Variants in XIRP2 observed in about 807,000 individuals in gnomAD.
The protein encoded by XIRP2 is xin actin binding repeat containing 2.
XIRP2 carries 236 observed loss-of-function variants against 277.0 expected under a neutral mutation model. The ratio of observed to expected loss-of-function variants is 0.85; its 90% CI spans 0.77 to 0.95. The LOEUF is 0.95. Ranked by LOEUF, XIRP2 falls within the 40% of genes least tolerant of loss-of-function variation. The pLI is 0.00. For synonymous variants in XIRP2, 1,490 were observed against 1,416.5 expected (o/e 1.05, Z -1.17); for missense variants, 4,640 against 4,157.5 (o/e 1.12, Z -3.19).
At chr2:166,933,248 A>G (rs1425114809) in intron 2 of XIRP2, among the ~76,000 whole-genome samples, 1 of 151,182 alleles carries the variant, frequency 6.6e-6, no homozygotes, top group Non-Finnish European at 1.5e-5. Flanking sequence ...TCCCGGGTTC[A>G]CACCATTCTT....
chr2:167,174,431 G>A (rs1159997187), intron 3 of XIRP2, among the ~76,000 whole-genome samples: 1 of 152,128 alleles, frequency 6.6e-6, no homozygotes, highest in Admixed American at 6.5e-5. Context: ...TCTGATGGTA[G>A]CTTGTATTGC....
chr2:167,175,779 G>A (rs991668629), intron 3 of XIRP2, among the ~76,000 whole-genome samples: 1 of 152,154 alleles, frequency 6.6e-6, no homozygotes, highest in Non-Finnish European at 1.5e-5. Flanking sequence ...GGGAGTTGGG[G>A]ATTTTATCTA....
chr2:167,137,421 G>T (rs1426064915), intron 3 of XIRP2, among the ~76,000 whole-genome samples: 4 of 152,126 alleles, frequency 2.6e-5, no homozygotes, highest in African/African-American at 7.2e-5. Flanking sequence ...ATTAGCAGAG[G>T]CCAAGGAAAA....
chr2:167,206,464 T>G (rs1693854572), intron 3 of XIRP2, among the ~76,000 whole-genome samples: 1 of 152,212 alleles, frequency 6.6e-6, no homozygotes, highest in African/African-American at 2.4e-5. Flanking sequence ...AATGCTTGAA[T>G]ATCTTTAGTT....
At chr2:167,089,404 G>T (rs1430516196) in intron 2 of XIRP2, among the ~76,000 whole-genome samples, 2 of 152,042 alleles carry the variant, frequency 1.3e-5, no homozygotes, top group Non-Finnish European at 2.9e-5. Flanking sequence ...GCTCACAACT[G>T]ATACAATCAT....
intron 2 of XIRP2, among the ~76,000 whole-genome samples, chr2:167,034,512 A>C (rs1034227643): frequency 6.6e-6 from 1 of 152,032 alleles, no homozygotes; most frequent in Admixed American, 6.6e-5. Flanking sequence ...AAAAGAAAAA[A>C]AAAAAGACCC....
At chr2:166,948,822 G>A (rs942571193) in intron 2 of XIRP2, among the ~76,000 whole-genome samples, 5 of 152,030 alleles carry the variant, frequency 3.3e-5, no homozygotes, top group Admixed American at 3.3e-4. Flanking sequence ...AAAGACAAGA[G>A]AGCTGATTCC....
chr2:166,935,665 T>C (rs2105373814), intron 2 of XIRP2, among the ~76,000 whole-genome samples: 1 of 152,306 alleles, frequency 6.6e-6, no homozygotes, highest in African/African-American at 2.4e-5. Flanking sequence ...ATACAGTGTT[T>C]GGTTTTTTGT....
intron 2 of XIRP2, among the ~76,000 whole-genome samples, chr2:167,103,754 G>A (rs746195892): frequency 6.7e-4 from 102 of 152,120 alleles, no homozygotes; most frequent in African/African-American, 2.3e-3. Context: ...GGAATCAAAC[G>A]CTAGCTGGTA....
intron 2 of XIRP2, among the ~76,000 whole-genome samples, chr2:167,071,184 A>G (rs552745330): frequency 6.6e-6 from 1 of 152,192 alleles, no homozygotes; most frequent in Non-Finnish European, 1.5e-5. Context: ...GTCAGAGTCA[A>G]ACTGAAATAA....
chr2:167,218,754 G>T (rs533631026), intron 5 of XIRP2, among the ~76,000 whole-genome samples: 10 of 152,024 alleles, frequency 6.6e-5, no homozygotes, highest in Non-Finnish European at 1.3e-4. Context: ...CTCAAACATT[G>T]AATAGTAGAG....
chr2:167,217,306 T>C (rs1022214273), intron 4 of XIRP2, among the ~76,000 whole-genome samples: 7 of 150,324 alleles, frequency 4.7e-5, no homozygotes, highest in Non-Finnish European at 1.0e-4. Flanking sequence ...GAAAAAAAAA[T>C]TAGTTTTCTC....
chr2:167,168,827 G>T (rs1011007221), intron 3 of XIRP2, among the ~76,000 whole-genome samples: 5 of 152,026 alleles, frequency 3.3e-5, no homozygotes, highest in African/African-American at 1.2e-4. Context: ...TGTTAGCCAG[G>T]ATGATCTCGA....
At chr2:167,239,778 A>G in intron 5 of XIRP2, 77 bp from the exon 6 acceptor site, 3 of 1,216,648 alleles carry the variant, frequency 2.5e-6, no homozygotes, top group Non-Finnish European at 3.5e-6. Flanking sequence ...AGAAATTGTC[A>G]CTGAAATTGC....
intron 2 of XIRP2, among the ~76,000 whole-genome samples, chr2:166,996,066 A>G (rs1357451036): frequency 6.6e-6 from 1 of 152,196 alleles, no homozygotes; most frequent in Non-Finnish European, 1.5e-5. Context: ...ATAAACGACT[A>G]CTTAATGTCT....
Position 167,245,161 on chromosome 2 carries a change from G to A in XIRP2, c.3769G>A (p.Gly1257Ser), listed in dbSNP as rs1324094719. 6.2e-7 allele frequency: 1 copy of A among 1,613,518 alleles called. No individual in the cohort carries two copies. The highest frequency in any genetic ancestry group is 8.5e-7 in the Non-Finnish European group (1 of 1,179,702). The change falls in exon 9 of 11, where the codon GGT (glycine) becomes AGT (serine). Residue 1257 changes from glycine to serine, a missense_variant. By Grantham distance (56) the Gly-to-Ser change is moderately conservative. Transcript: ENST00000409195. ...PIDKIKESQE[G>S]DECVKTVTDI... ...TGATAAGATAAAAGAAAGCCAAGAAGGTGATGAATGTGTTAAGACGGTGAC... is the reference window on the plus strand; with the variant it reads ...TGATAAGATAAAAGAAAGCCAAGAAAGTGATGAATGTGTTAAGACGGTGAC...
At chr2:167,214,237 G>A (rs1694166415) in intron 4 of XIRP2, among the ~76,000 whole-genome samples, 1 of 94,018 alleles carries the variant, frequency 1.1e-5, no homozygotes, top group Non-Finnish European at 2.0e-5. Flanking sequence ...AGGAAGGAAG[G>A]AAGGAAGGAA....
intron 2 of XIRP2, among the ~76,000 whole-genome samples, chr2:166,949,870 T>A (rs1170408274): frequency 6.6e-6 from 1 of 152,110 alleles, no homozygotes; most frequent in African/African-American, 2.4e-5. Context: ...ACCTTAAAAC[T>A]ATAAAATTAC....
chr2:167,221,383 C>A (rs1192110709), intron 5 of XIRP2, among the ~76,000 whole-genome samples: 2 of 149,492 alleles, frequency 1.3e-5, no homozygotes, highest in African/African-American at 4.9e-5. Context: ...TAGCTTGAGC[C>A]CGGGAGGTGA....
Sources: gnomAD v4.1 joint callset for allele counts (sites outside exome capture counted in the v4.1 genomes callset) on GRCh38, gnomAD v4.1.1 for gene constraint, MANE v1.5 for transcripts, NCBI Gene and HGNC (gene_info 2026-07-23, HGNC 2026-07-21) for gene names.